The following HECA variants were observed in gnomAD, a reference collection of about 807,000 sequenced individuals.
The protein encoded by HECA is headcase protein homolog.
In HECA, 13 loss-of-function variants were observed where a neutral mutation model predicts 37.6. The ratio of observed to expected loss-of-function variants is 0.35; its 90% CI spans 0.23 to 0.55. HECA has a LOEUF of 0.55. Among genes scored for constraint, HECA ranks in the 20% least tolerant of loss-of-function variants. The pLI is 0.90. For missense variants in HECA, 527 were observed against 701.9 expected (o/e 0.75, Z 2.82); for synonymous variants, 307 against 291.5 (o/e 1.05, Z -0.54).
chr6:139,150,294 A>G (rs888153945), intron 1 of HECA, among the ~76,000 whole-genome samples: 19 of 152,180 alleles, frequency 1.2e-4, no homozygotes, highest in African/African-American at 4.1e-4. Context: ...TCAATATTTT[A>G]TATGGAATCA....
chr6:139,144,196 C>T (rs866658113), intron 1 of HECA: 1 of 152,196 alleles, frequency 6.6e-6, no homozygotes, highest in Non-Finnish European at 1.5e-5. Flanking sequence ...TGTTTATATA[C>T]TCATCCATTT....
At chr6:139,173,462 A>G (rs1775004743) in intron 2 of HECA, among the ~76,000 whole-genome samples, 3 of 152,240 alleles carry the variant, frequency 2.0e-5, no homozygotes, top group East Asian at 1.9e-4. Context: ...GGTAAGGAGC[A>G]GGTTGATCCT....
chr6:139,142,714 G>A (rs1582935081), intron 1 of HECA, among the ~76,000 whole-genome samples: 3 of 152,282 alleles, frequency 2.0e-5, no homozygotes, highest in African/African-American at 2.4e-5. Context: ...TTTGGAGGCC[G>A]AGACGGGCGG....
chr6:139,148,187 A>G (rs1051462115), intron 1 of HECA, among the ~76,000 whole-genome samples: 5 of 152,128 alleles, frequency 3.3e-5, no homozygotes, highest in Non-Finnish European at 5.9e-5. Flanking sequence ...ACTTTTTGAC[A>G]TACGCTTTCC....
At chr6:139,164,095 C>G (rs1176768087) in intron 1 of HECA, among the ~76,000 whole-genome samples, 1 of 151,694 alleles carries the variant, frequency 6.6e-6, no homozygotes, top group Non-Finnish European at 1.5e-5. Flanking sequence ...CTCTCTCTCT[C>G]TCTCTGAGCA....
chr6:139,162,349 G>A (rs903122740), intron 1 of HECA, among the ~76,000 whole-genome samples: 1 of 152,164 alleles, frequency 6.6e-6, no homozygotes, highest in Admixed American at 6.5e-5. Flanking sequence ...AGCATTTCAT[G>A]TGTATAGTTT....
intron 1 of HECA, among the ~76,000 whole-genome samples, chr6:139,146,976 A>G (rs1229899145): frequency 6.6e-6 from 1 of 152,190 alleles, no homozygotes; most frequent in East Asian, 1.9e-4. Context: ...TACGGAAAGG[A>G]GAAGCAGCCA....
At chr6:139,160,866 A>G (rs1262675830) in intron 1 of HECA, among the ~76,000 whole-genome samples, 3 of 152,202 alleles carry the variant, frequency 2.0e-5, no homozygotes, top group African/African-American at 7.2e-5. Flanking sequence ...AAACTTTACT[A>G]TTTATAAAGT....
intron 1 of HECA, among the ~76,000 whole-genome samples, chr6:139,148,766 C>CAA (rs1005023728): frequency 7.0e-6 from 1 of 142,828 alleles, no homozygotes. Flanking sequence ...ACTCTGTCTC[C>CAA]AAAAAAAAAA....
At position 139,136,267 on chromosome 6, in the gene HECA, TAA is replaced by T. The variant is rs71674341; in HGVS notation, c.271+618_271+619del. 3.3e-3 allele frequency among the ~76,000 whole-genome samples: 441 copies of T among 132,016 alleles called. 2 individuals carry two copies. Among genetic ancestry groups the T allele is most frequent in the Middle Eastern group, 7.9e-3 (2 of 252 alleles). The allele number at this position is 132,016 out of a possible 152,430, so 86.6% of individuals were successfully genotyped here. A position where few individuals can be genotyped will look rare whatever the true frequency, so the allele number is the denominator to read the frequency against. On this transcript the variant is annotated intron_variant, in intron 1 of 3. Transcript: ENST00000367658. ...TTGACTTCCGTTCTCAGCCCGGAGT[TAA>T]AAAAAAAAAAAAAAAAAGAAAAGAA...
In HECA at chr6:139,152,232, G is replaced by A. The variant is rs1050185790; in HGVS notation, c.272-14052G>A. 2.6e-5 allele frequency among the ~76,000 whole-genome samples: 4 copies of A among 152,126 alleles called. No individual in the cohort carries two copies. The East Asian group carries it at 5.8e-4, about 22-fold the overall frequency. On this transcript the variant is annotated intron_variant, in intron 1 of 3. Transcript: ENST00000367658. ...TGTGATTTCTTACTGAGATCAGAGC[G>A]TCAGAGCCAGAATGGAAATAACAGG...
rs3173082 is a variant in HECA, at chr6:139,166,699, T to C, written c.687T>C (p.Asn229=). ...AEEAKKCRPP[N]KPQKGPSHDL... ...AGGCAAAAAAGTGCAGGCCCCCAAA[T>C]AAGCCCCAGAAAGGCCCAAGCCACG... The change falls in exon 2 of 4, where the codon AAT becomes AAC. Residue 229 remains asparagine (N), a synonymous_variant. Coordinates refer to ENST00000367658, the MANE Select transcript of HECA (RefSeq NM_016217.3). 1,066,519 of 1,611,354 alleles carry C rather than the reference T, an allele frequency of 0.66. 360,074 individuals are homozygous for C. Among genetic ancestry groups the C allele is most frequent in the African/African-American group, 0.86 (64,399 of 74,944 alleles).
intron 1 of HECA, among the ~76,000 whole-genome samples, chr6:139,145,892 G>T (rs925303112): frequency 6.6e-6 from 1 of 152,172 alleles, no homozygotes; most frequent in Non-Finnish European, 1.5e-5. Flanking sequence ...TTCCTTGGTT[G>T]CTCTTGGGGA....
Position 139,162,236 on chromosome 6 carries a change from A to C in HECA, c.272-4048A>C, listed in dbSNP as rs868157910. Among the ~76,000 whole-genome samples the C allele has an allele frequency of 1.4e-4, 21 of 152,122 alleles. 1 individual carries two copies. Among genetic ancestry groups the C allele is most frequent in the Middle Eastern group, 3.2e-3 (1 of 316 alleles). On this transcript the variant is annotated intron_variant, in intron 1 of 3. Coordinates refer to ENST00000367658, the MANE Select transcript of HECA (RefSeq NM_016217.3). ...TCAGGGAGGGGAGGAGAAGGGTTGG[A>C]GTCAGGATAGGGGGGCAATCCTGGT... is the stretch of plus-strand genomic sequence containing the variant.
At chr6:139,143,042 T>C (rs1774535316) in intron 1 of HECA, among the ~76,000 whole-genome samples, 1 of 152,226 alleles carries the variant, frequency 6.6e-6, no homozygotes, top group Admixed American at 6.5e-5. Flanking sequence ...GTCTGTATTA[T>C]GATTCTAATC....
chr6:139,151,151 T>C (rs1774645706), intron 1 of HECA: 1 of 152,214 alleles, frequency 6.6e-6, no homozygotes, highest in Non-Finnish European at 1.5e-5. Context: ...CTTTGTCTTT[T>C]CTCCCAAGAA....
intron 1 of HECA, among the ~76,000 whole-genome samples, chr6:139,155,427 T>C (rs549104109): frequency 1.6e-4 from 25 of 152,248 alleles, no homozygotes; most frequent in African/African-American, 6.0e-4. Context: ...ACCCTAAATG[T>C]AGGGGAAAAA....
intron 1 of HECA, among the ~76,000 whole-genome samples, chr6:139,147,970 G>T (rs780595163): frequency 6.6e-6 from 1 of 152,112 alleles, no homozygotes; most frequent in Non-Finnish European, 1.5e-5. Flanking sequence ...TGTAAATTTC[G>T]ATTACCATTT....
intron 1 of HECA, among the ~76,000 whole-genome samples, chr6:139,156,207 C>CTT (rs952386301): frequency 6.7e-6 from 1 of 148,588 alleles, no homozygotes; most frequent in African/African-American, 2.5e-5. Context: ...ATAGCTTTTT[C>CTT]TTTTTTTTTT....
Sources: allele counts gnomAD v4.1 joint callset (sites outside exome capture counted in the v4.1 genomes callset), GRCh38; gene constraint gnomAD v4.1.1; transcripts MANE v1.5; gene names NCBI Gene and HGNC (gene_info 2026-07-23, HGNC 2026-07-21).